Variants in SPATA31C1 observed in about 807,000 individuals in gnomAD.
The protein encoded by SPATA31C1 is spermatogenesis-associated protein 31C1.
At chr9:87,922,653 G>A in exon 5 of SPATA31C1, 2 of 1,608,610 alleles carry the variant, frequency 1.2e-6, no homozygotes, top group African/African-American at 2.7e-5. Flanking sequence ...CACGCCTACT[G>A]GGAACATGCA....
rs745367524 is a variant in SPATA31C1, at chr9:87,920,605, C to G, written n.995C>G. On this transcript the variant is annotated non_coding_transcript_exon_variant, in exon 5 of 5. Coordinates refer to ENST00000420021, the Ensembl canonical transcript of SPATA31C1. ...CCTCTGGCCTGCTCTCCACCTCCTC[C>G]GAAAGGCTTCACTCCTCCTCCCCTG... 3 of 1,613,664 alleles carry G rather than the reference C, an allele frequency of 1.9e-6. No individual in the cohort carries two copies. In the South Asian group the frequency reaches 3.3e-5, roughly 18 times the overall value.
Position 87,921,324 on chromosome 9 carries a change from C to T in SPATA31C1, n.1714C>T, listed in dbSNP as rs750123009. ...GCAACGTGGAAGGATCCAAGAGTCT[C>T]TGGATCTGATGCAGCTTCAGGATGA... is the stretch of plus-strand genomic sequence containing the variant. On this transcript the variant is annotated non_coding_transcript_exon_variant, in exon 5 of 5. Coordinates refer to ENST00000420021, the Ensembl canonical transcript of SPATA31C1. 4 of 1,612,006 alleles carry T rather than the reference C, an allele frequency of 2.5e-6. No homozygotes were observed. In the Admixed American group the frequency reaches 6.7e-5, roughly 27 times the overall value.
intron 1 of SPATA31C1, chr9:87,917,450 GAGAT>G (rs1564137793): frequency 1.8e-5 from 2 of 111,072 alleles, no homozygotes; most frequent in Non-Finnish European, 4.1e-5. Context: ...AAAGGAAAGT[GAGAT>G]AGAAATAATT....
exon 5 of SPATA31C1, chr9:87,921,497 C>G (rs765160266): frequency 1.9e-6 from 3 of 1,611,700 alleles, no homozygotes; most frequent in Non-Finnish European, 2.5e-6. Flanking sequence ...TGGGTGAGAC[C>G]CCACAAAATC....
At position 87,919,425 on chromosome 9, in the gene SPATA31C1, T is replaced by A. The variant is rs1235955504; in HGVS notation, n.580+77T>A. 2.0e-5 allele frequency: 31 copies of A among 1,575,220 alleles called. No homozygotes were observed. The African/African-American group carries it at 4.4e-4, about 22-fold the overall frequency. On this transcript the variant is annotated intron_variant and non_coding_transcript_variant, in intron 3 of 4. Transcript: ENST00000420021. ...AGGGAACTGACTCTGAAGAAGTCAG[T>A]TGAAAAAACCTGAGGTGGGGGCTCC...
chr9:87,919,068 C>G, intron 2 of SPATA31C1, 187 bp from the exon 2 acceptor site: 2 of 953,886 alleles, frequency 2.1e-6, no homozygotes, highest in Non-Finnish European at 1.6e-6. Flanking sequence ...CCGCACCCGA[C>G]CCCCTCTTCC....
chr9:87,920,482 C>T (rs759060618), exon 5 of SPATA31C1: 1 of 1,613,980 alleles, frequency 6.2e-7, no homozygotes. Flanking sequence ...TCAGTCTCCT[C>T]CCTAAGTGCC....
At chr9:87,918,985 G>A (rs1401095941) in intron 2 of SPATA31C1, 1 of 417,626 alleles carries the variant, frequency 2.4e-6, no homozygotes, top group African/African-American at 2.1e-5. Flanking sequence ...GGCCAGGCTG[G>A]TCTCAAACTC....
intron 2 of SPATA31C1, chr9:87,918,954 G>C (rs1167539878): frequency 2.7e-6 from 1 of 373,452 alleles, no homozygotes; most frequent in Admixed American, 3.7e-5. Flanking sequence ...CGTATTTTTA[G>C]TAGAGATGGG....
At chr9:87,918,923 C>T in intron 2 of SPATA31C1, 1 of 357,378 alleles carries the variant, frequency 2.8e-6, no homozygotes, top group Non-Finnish European at 5.5e-6. Flanking sequence ...CAGGCGCCCG[C>T]CACCACGCCT....
chr9:87,919,150 C>T, intron 2 of SPATA31C1, 105 bp from the exon 2 acceptor site: 1 of 1,533,122 alleles, frequency 6.5e-7, no homozygotes, highest in Non-Finnish European at 8.9e-7. Context: ...ACAGAGCTCC[C>T]TGAGCAAGAC....
chr9:87,920,645 G>A lies in SPATA31C1; in HGVS notation n.1035G>A, dbSNP rs1828830150. On this transcript the variant is annotated non_coding_transcript_exon_variant, in exon 5 of 5. Transcript: ENST00000420021. ...CTCCTCCCCTGCGGGACTCCACTCT[G>A]TTAACACCATCTCACTGTGACTCAG... 5 of 1,613,818 alleles carry A rather than the reference G, an allele frequency of 3.1e-6. No homozygotes were observed. In the Admixed American group the frequency reaches 6.7e-5, roughly 22 times the overall value.
At chr9:87,921,143 A>G (rs781285205) in exon 5 of SPATA31C1, 1 of 1,611,832 alleles carries the variant, frequency 6.2e-7, no homozygotes, top group African/African-American at 1.3e-5. Context: ...GGAAACAACT[A>G]GAAGGTGGGT....
At chr9:87,916,894 G>A (rs1828738828) in intron 1 of SPATA31C1, among the ~76,000 whole-genome samples, 4 of 66,460 alleles carry the variant, frequency 6.0e-5, no homozygotes, top group African/African-American at 1.8e-4. Context: ...CTACTCGGGA[G>A]GCTGAGGCAG....
chr9:87,921,928 C>A (rs913836448), exon 5 of SPATA31C1: 6 of 1,611,974 alleles, frequency 3.7e-6, no homozygotes, highest in Middle Eastern at 4.4e-4. Context: ...GTCCTCAAGC[C>A]CATTCAGTGC....
At chr9:87,920,652 C>T in exon 5 of SPATA31C1, 1 of 1,613,920 alleles carries the variant, frequency 6.2e-7, no homozygotes, top group Non-Finnish European at 8.5e-7. Flanking sequence ...TCTGTTAACA[C>T]CATCTCACTG....
intron 1 of SPATA31C1, among the ~76,000 whole-genome samples, chr9:87,915,313 G>C (rs1048580686): frequency 7.4e-6 from 1 of 135,546 alleles, no homozygotes; most frequent in African/African-American, 2.7e-5. Context: ...GTGTGTGTTT[G>C]TGTGTTATTT....
At position 87,921,117 on chromosome 9, in the gene SPATA31C1, G is replaced by A. The variant is rs1432134217; in HGVS notation, n.1507G>A. ...CTCCTTACCTGAAACTCAGCACCCT[G>A]AAAGGCCTTTGTTGAGGAAACAACT... On this transcript the variant is annotated non_coding_transcript_exon_variant, in exon 5 of 5. Coordinates refer to ENST00000420021, the Ensembl canonical transcript of SPATA31C1. The A allele has an allele frequency of 4.3e-6, 7 of 1,611,742 alleles. 1 individual carries two copies. In the South Asian group the frequency reaches 7.7e-5, roughly 18 times the overall value.
chr9:87,920,526 C>A (rs781178940), exon 5 of SPATA31C1: 3 of 1,613,920 alleles, frequency 1.9e-6, no homozygotes, highest in Non-Finnish European at 2.5e-6. Flanking sequence ...TCTCCTAGAA[C>A]GCCCCTCACC....
Sources: gnomAD v4.1 joint callset for allele counts (sites outside exome capture counted in the v4.1 genomes callset) on GRCh38, gnomAD v4.1.1 for gene constraint, MANE v1.5 for transcripts, NCBI Gene and HGNC (gene_info 2026-07-23, HGNC 2026-07-21) for gene names.